The following AGTRAP variants were observed in gnomAD, a reference collection of about 807,000 sequenced individuals.
AGTRAP encodes the protein type-1 angiotensin II receptor-associated protein.
A neutral mutation model predicts 15.2 loss-of-function variants in AGTRAP; 7 were observed. That is an observed-to-expected ratio of 0.46 (90% CI 0.26 to 0.87). AGTRAP has a LOEUF of 0.87. AGTRAP is among the 40% of genes least tolerant of loss of function. The pLI, the probability that AGTRAP is intolerant of heterozygous loss-of-function variation, is 0.15. For synonymous variants in AGTRAP, 74 were observed against 89.6 expected, an observed-to-expected ratio of 0.83 and a Z score of 0.98; for missense variants, 187 against 213.4, an observed-to-expected ratio of 0.88 and a Z score of 0.77.
In AGTRAP at chr1:11,736,857, G is replaced by C. The variant is rs1005894822; in HGVS notation, c.27+622G>C. Reference sequence around the variant, plus strand: ...GCTTCCTGTGGTGTCTTCATTTCCCGAGCCGTGAGCTCAGTCCGGGTCTGG... The same window carrying C: ...GCTTCCTGTGGTGTCTTCATTTCCCCAGCCGTGAGCTCAGTCCGGGTCTGG... On this transcript the variant is annotated intron_variant, in intron 1 of 4. Transcript: ENST00000314340. Among the ~76,000 whole-genome samples the C allele has an allele frequency of 3.0e-4, 44 of 148,978 alleles. 1 individual carries two copies. The highest frequency in any genetic ancestry group is 1.1e-3 in the African/African-American group (44 of 41,212).
intron 1 of AGTRAP, among the ~76,000 whole-genome samples, chr1:11,743,084 C>A (rs889032308): frequency 6.6e-6 from 1 of 152,158 alleles, no homozygotes; most frequent in African/African-American, 2.4e-5. Flanking sequence ...CACCCCACCC[C>A]GACCTCAGTT....
intron 4 of AGTRAP, 42 bp from the exon 5 acceptor site, chr1:11,750,035 C>T (rs368674106): frequency 3.9e-6 from 6 of 1,531,374 alleles, no homozygotes; most frequent in Non-Finnish European, 4.5e-6. Flanking sequence ...CCCGAGTTCT[C>T]ACCCTTCATT....
intron 1 of AGTRAP, among the ~76,000 whole-genome samples, chr1:11,739,389 A>G (rs758603076): frequency 2.6e-5 from 4 of 152,000 alleles, no homozygotes; most frequent in Non-Finnish European, 5.9e-5. Context: ...CACCTCTACT[A>G]AAAATACAAA....
At chr1:11,743,277 A>C in intron 1 of AGTRAP, among the ~76,000 whole-genome samples, 3 of 147,194 alleles carry the variant, frequency 2.0e-5, no homozygotes, top group African/African-American at 2.5e-5. Context: ...ATGGAGTCTC[A>C]CTCTGTCACC....
intron 1 of AGTRAP, among the ~76,000 whole-genome samples, chr1:11,740,843 G>C (rs1642013132): frequency 6.6e-6 from 1 of 152,154 alleles, no homozygotes; most frequent in South Asian, 2.1e-4. Flanking sequence ...TTTTGGGGAG[G>C]AAAGGGGTGA....
chr1:11,750,423 G>A lies in AGTRAP; in HGVS notation c.*231G>A, dbSNP rs529604721. The stretch of plus-strand genomic sequence containing the variant: ...CCTTCAGGGCACCCACTGGTTCCCA[G>A]GCTGGAACCAGGGTCTCTCTTTACC... On this transcript the variant is annotated 3_prime_UTR_variant, in exon 5 of 5. Coordinates refer to ENST00000314340, the MANE Select transcript of AGTRAP (RefSeq NM_020350.5). The A allele has an allele frequency of 9.9e-4, 606 of 609,668 alleles. 11 individuals are homozygous for A. In the South Asian group the frequency reaches 0.011, roughly 12 times the overall value. 37.8% of individuals were successfully genotyped at this position (609,668 alleles called of 1,614,324 possible). A position where few individuals can be genotyped will look rare whatever the true frequency, so the allele number is the denominator to read the frequency against.
At position 11,750,116 on chromosome 1, in the gene AGTRAP, C is replaced by A; in HGVS notation, c.404C>A (p.Thr135Lys). 6.2e-7 allele frequency: 1 copy of A among 1,614,076 alleles called. No homozygotes were observed. The highest frequency in any genetic ancestry group is 8.5e-7 in the Non-Finnish European group (1 of 1,180,002). The change falls in exon 5 of 5, where the codon ACG (threonine) becomes AAG (lysine). Residue 135 changes from threonine (T) to lysine (K), a missense_variant. Coordinates refer to ENST00000314340, the MANE Select transcript of AGTRAP (RefSeq NM_020350.5). ...TCTCAGGACCGTAGTGCCTACCAGA[C>A]GATTGACTCAGCAGAGGCGCCCGCA... ...GSSQDRSAYQTIDSAEAPADP... is the reference protein window; with the variant it reads ...GSSQDRSAYQKIDSAEAPADP...
chr1:11,741,252 A>G (rs1642023689), intron 1 of AGTRAP, among the ~76,000 whole-genome samples: 1 of 149,918 alleles, frequency 6.7e-6, no homozygotes, highest in African/African-American at 2.5e-5. Context: ...GACCACCCCA[A>G]CCCTCCCAGC....
At chr1:11,749,972 T>C in intron 4 of AGTRAP, 105 bp from the exon 5 acceptor site, 1 of 798,824 alleles carries the variant, frequency 1.3e-6, no homozygotes, top group Non-Finnish European at 2.1e-6. Context: ...GGTGTCAGGA[T>C]GCCCAGCCCG....
chr1:11,748,346 C>A (rs550832604), intron 3 of AGTRAP, 69 bp from the exon 4 acceptor site: 3 of 1,527,174 alleles, frequency 2.0e-6, no homozygotes, highest in African/African-American at 2.7e-5. Context: ...GCTTCCCATC[C>A]GGTGTGTGGC....
chr1:11,737,740 T>C (rs1382203761), intron 1 of AGTRAP, among the ~76,000 whole-genome samples: 1 of 152,110 alleles, frequency 6.6e-6, no homozygotes, highest in Non-Finnish European at 1.5e-5. Flanking sequence ...CTTTGGGGCT[T>C]TTTTTGAGCA....
chr1:11,750,297 G>A lies in AGTRAP; in HGVS notation c.*105G>A, dbSNP rs17875961. On this transcript the variant is annotated 3_prime_UTR_variant, in exon 5 of 5. Transcript: ENST00000314340. ...GTCTCTTGGACCTAAGATGGAATGTGTCCCCAGCTCAGGGATTGCCTGAAC... is the reference window on the plus strand; with the variant it reads ...GTCTCTTGGACCTAAGATGGAATGTATCCCCAGCTCAGGGATTGCCTGAAC... The A allele has an allele frequency of 0.01, 10,396 of 1,010,178 alleles. 252 individuals are homozygous for A. Among genetic ancestry groups the A allele is most frequent in the African/African-American group, 0.083 (5,220 of 62,830 alleles). The allele number at this position is 1,010,178 out of a possible 1,614,324, so 62.6% of individuals were successfully genotyped here.
At chr1:11,741,277 A>G (rs1235146850) in intron 1 of AGTRAP, among the ~76,000 whole-genome samples, 2 of 151,952 alleles carry the variant, frequency 1.3e-5, no homozygotes, top group African/African-American at 2.4e-5. Flanking sequence ...CTGCTGTTCA[A>G]TCAGGTGCCC....
At chr1:11,749,189 C>T (rs1642251877) in intron 4 of AGTRAP, among the ~76,000 whole-genome samples, 1 of 152,276 alleles carries the variant, frequency 6.6e-6, no homozygotes, top group Non-Finnish European at 1.5e-5. Flanking sequence ...CCTCTCTGAA[C>T]TCCTGTACTC....
chr1:11,746,115 T>C (rs756865218), intron 2 of AGTRAP: 1 of 1,611,886 alleles, frequency 6.2e-7, no homozygotes, highest in South Asian at 1.1e-5. Flanking sequence ...CCATCTCTTT[T>C]AATCTGTTGA....
At chr1:11,748,324 G>A in intron 3 of AGTRAP, 91 bp from the exon 4 acceptor site, 1 of 1,403,762 alleles carries the variant, frequency 7.1e-7, no homozygotes, top group Non-Finnish European at 9.8e-7. Context: ...GGACACAGCA[G>A]GGCATGAAAC....
intron 2 of AGTRAP, 133 bp from the exon 3 acceptor site, chr1:11,747,307 T>G: frequency 1.3e-6 from 1 of 793,074 alleles, no homozygotes; most frequent in Non-Finnish European, 2.1e-6. Flanking sequence ...CCCATGGGAT[T>G]TGCTGGCACA....
At position 11,750,604 on chromosome 1, in the gene AGTRAP, G is replaced by A. The variant is rs576416904; in HGVS notation, c.*412G>A. ...GAGAGCTTCAGGTCCTGCTCAGCCCGAGGAGCAGTCTGGCATGGGAGTGAG... is the reference window on the plus strand; with the variant it reads ...GAGAGCTTCAGGTCCTGCTCAGCCCAAGGAGCAGTCTGGCATGGGAGTGAG... On this transcript the variant is annotated 3_prime_UTR_variant, in exon 5 of 5. Transcript: ENST00000314340. 5.3e-5 allele frequency: 23 copies of A among 435,712 alleles called. No homozygotes were observed. Among genetic ancestry groups the A allele is most frequent in the African/African-American group, 2.8e-4 (14 of 50,874 alleles). 27.0% of individuals were successfully genotyped at this position (435,712 alleles called of 1,614,324 possible).
rs565216934 is a variant in AGTRAP, at chr1:11,745,823, G to T, written c.48G>T (p.Trp16Cys). 1.2e-6 allele frequency: 2 copies of T among 1,614,140 alleles called. No individual in the cohort carries two copies. Among genetic ancestry groups the T allele is most frequent in the South Asian group, 2.2e-5 (2 of 91,072 alleles). Residue 16 changes from tryptophan (W) to cysteine (C), a missense_variant, in exon 2 of 5, where the codon TGG becomes TGT. Coordinates refer to ENST00000314340, the MANE Select transcript of AGTRAP (RefSeq NM_020350.5). This position sits in a 1 kb window ranked among gnomAD's most constrained non-coding sequence, Gnocchi z 4.2. ...CACAGGTGATTCTCCTAGGTCACTG[G>T]CTGCTGACAACCTGGTAAGTGACTC... The part of the protein sequence containing the change: ...VNLKVILLGH[W>C]LLTTWGCIVF...
Sources: gnomAD v4.1 joint callset for allele counts (sites outside exome capture counted in the v4.1 genomes callset) on GRCh38, gnomAD v4.1.1 for gene constraint, Gnocchi (gnomAD v3.1) non-coding constraint, MANE v1.5 for transcripts, NCBI Gene and HGNC (gene_info 2026-07-23, HGNC 2026-07-21) for gene names.